The following SYNDIG1 variants were observed in gnomAD, a reference collection of about 807,000 sequenced individuals.
The protein encoded by SYNDIG1 is synapse differentiation-inducing gene protein 1.
SYNDIG1 carries 9 observed loss-of-function variants against 19.4 expected under a neutral mutation model. That is an observed-to-expected ratio of 0.46 (90% CI 0.28 to 0.81). The LOEUF (loss-of-function observed/expected upper bound fraction) is 0.81. Among genes scored for constraint, SYNDIG1 ranks in the 30% least tolerant of loss-of-function variants. SYNDIG1 has a pLI of 0.12. For missense variants in SYNDIG1, 311 were observed against 343.3 expected, an observed-to-expected ratio of 0.91 and a Z score of 0.74; for synonymous variants, 141 against 145.9, an observed-to-expected ratio of 0.97 and a Z score of 0.24.
chr20:24,524,950 T>TTTA (rs945659097), intron 1 of SYNDIG1, among the ~76,000 whole-genome samples: 1 of 152,156 alleles, frequency 6.6e-6, no homozygotes, highest in Non-Finnish European at 1.5e-5. Context: ...ATTATTTGCC[T>TTTA]TTATTATTAT....
At chr20:24,542,293 T>C (rs1300128363) in intron 1 of SYNDIG1, among the ~76,000 whole-genome samples, 2 of 152,210 alleles carry the variant, frequency 1.3e-5, no homozygotes, top group African/African-American at 2.4e-5. Context: ...CAGGCCAAAA[T>C]GTGCACTGTA....
intron 1 of SYNDIG1, among the ~76,000 whole-genome samples, chr20:24,476,803 C>G (rs562102206): frequency 1.3e-5 from 2 of 152,246 alleles, no homozygotes; most frequent in East Asian, 3.9e-4. Context: ...TGGTAAGGAC[C>G]CTGCAGCCTG....
At chr20:24,530,733 A>G (rs1210857706) in intron 1 of SYNDIG1, among the ~76,000 whole-genome samples, 1 of 152,128 alleles carries the variant, frequency 6.6e-6, no homozygotes, top group Non-Finnish European at 1.5e-5. Flanking sequence ...TACCTGTCAA[A>G]CATGCCAAAC....
intron 3 of SYNDIG1, among the ~76,000 whole-genome samples, chr20:24,593,241 T>G (rs985820883): frequency 1.8e-4 from 27 of 152,338 alleles, no homozygotes; most frequent in African/African-American, 6.5e-4. Flanking sequence ...TTCCTTTTCT[T>G]TGTGTTCATG....
chr20:24,475,144 C>G (rs542060146), intron 1 of SYNDIG1, among the ~76,000 whole-genome samples: 1 of 152,310 alleles, frequency 6.6e-6, no homozygotes, highest in Non-Finnish European at 1.5e-5. Flanking sequence ...GTTGGTGGTA[C>G]AGACCCTCAG....
At chr20:24,500,534 T>TTTCTTTCTTTC (rs1397348832) in intron 1 of SYNDIG1, among the ~76,000 whole-genome samples, 2,397 of 142,426 alleles carry the variant, frequency 0.017, 102 homozygotes, top group African/African-American at 0.058. Flanking sequence ...TTCTTTCTTC[T>TTTCTTTCTTTC]TTCTTTCTTT....
chr20:24,509,409 A>T (rs952074820), intron 1 of SYNDIG1, among the ~76,000 whole-genome samples: 1 of 152,182 alleles, frequency 6.6e-6, no homozygotes, highest in Non-Finnish European at 1.5e-5. Flanking sequence ...TCCTAACAAT[A>T]CAAGGAGTTT....
intron 1 of SYNDIG1, among the ~76,000 whole-genome samples, chr20:24,489,548 C>T (rs1010666183): frequency 2.6e-5 from 4 of 152,082 alleles, no homozygotes; most frequent in Non-Finnish European, 5.9e-5. Context: ...CACACACATG[C>T]TCACAGGGAC....
In SYNDIG1 at chr20:24,664,587, C is replaced by G. The variant is rs567600203; in HGVS notation, c.619-759C>G. On this transcript the variant is annotated intron_variant, in intron 3 of 3. Transcript: ENST00000376862. Reference sequence around the variant, plus strand: ...CCCTCCATGGTGGCCTCCAAAACCTCCATGTTTCCATCTCCTCGTGACCCC... The same window carrying G: ...CCCTCCATGGTGGCCTCCAAAACCTGCATGTTTCCATCTCCTCGTGACCCC... Among the ~76,000 whole-genome samples the G allele has an allele frequency of 3.9e-5, 6 of 152,292 alleles. No individual in the cohort carries two copies. In the South Asian group the frequency reaches 1.2e-3, roughly 32 times the overall value.
At chr20:24,508,748 T>C (rs1277049935) in intron 1 of SYNDIG1, among the ~76,000 whole-genome samples, 4 of 152,120 alleles carry the variant, frequency 2.6e-5, no homozygotes, top group East Asian at 3.9e-4. Flanking sequence ...GCAATAAATA[T>C]AGTTCTTCAG....
chr20:24,646,760 T>C (rs982074505), intron 3 of SYNDIG1, among the ~76,000 whole-genome samples: 4 of 152,106 alleles, frequency 2.6e-5, no homozygotes, highest in Admixed American at 2.0e-4. Context: ...TAGCTGGGAC[T>C]ACAGGTGTGC....
chr20:24,492,087 G>A lies in SYNDIG1; in HGVS notation c.-79+22334G>A, dbSNP rs555603742. 1.4e-4 allele frequency among the ~76,000 whole-genome samples: 21 copies of A among 152,306 alleles called. No individual in the cohort carries two copies. The South Asian group carries it at 3.7e-3, about 27-fold the overall frequency. ...TGACCCAGGCAAGAGGCCCCCGGCC[G>A]GCTCCGTGTGAACAGATCCTCCCAT... is the stretch of plus-strand genomic sequence containing the variant. On this transcript the variant is annotated intron_variant, in intron 1 of 3. Coordinates refer to ENST00000376862, the MANE Select transcript of SYNDIG1 (RefSeq NM_024893.3).
At chr20:24,662,508 G>A (rs73347242) in intron 3 of SYNDIG1, among the ~76,000 whole-genome samples, 1,866 of 152,264 alleles carry the variant, frequency 0.012, 58 homozygotes, top group African/African-American at 0.043. Flanking sequence ...TGCCGATGGA[G>A]CCCAGCTGCT....
At chr20:24,583,652 C>T (rs1346161347) in intron 2 of SYNDIG1, among the ~76,000 whole-genome samples, 2 of 152,200 alleles carry the variant, frequency 1.3e-5, no homozygotes, top group African/African-American at 4.8e-5. Context: ...GCACAAACAC[C>T]AAGGCAGGGC....
In SYNDIG1 at chr20:24,643,336, G is replaced by A. The variant is rs149828449; in HGVS notation, c.619-22010G>A. ...AAGTAACTTTATCAGCTAGAGTGCC[G>A]TGTTCATGAGAAGTAACTTTATCAG... On this transcript the variant is annotated intron_variant, in intron 3 of 3. Coordinates refer to ENST00000376862, the MANE Select transcript of SYNDIG1 (RefSeq NM_024893.3). 6.1e-4 allele frequency among the ~76,000 whole-genome samples: 92 copies of A among 151,826 alleles called. 1 individual carries two copies. In the East Asian group the frequency reaches 0.017, roughly 28 times the overall value.
chr20:24,618,755 T>C (rs2058989568), intron 3 of SYNDIG1, among the ~76,000 whole-genome samples: 1 of 152,214 alleles, frequency 6.6e-6, no homozygotes, highest in African/African-American at 2.4e-5. Flanking sequence ...TTTCTTCTTT[T>C]GGATGAGTCT....
intron 3 of SYNDIG1, among the ~76,000 whole-genome samples, chr20:24,604,750 T>C (rs1356259697): frequency 6.6e-6 from 1 of 152,200 alleles, no homozygotes; most frequent in Non-Finnish European, 1.5e-5. Flanking sequence ...TCCTTTACTT[T>C]TTTAATAAAC....
rs138012322 is a variant in SYNDIG1, at chr20:24,509,650, A to G, written c.-78-33370A>G. Among the ~76,000 whole-genome samples the G allele has an allele frequency of 2.4e-3, 372 of 152,298 alleles. 2 individuals carry two copies. Among genetic ancestry groups the G allele is most frequent in the African/African-American group, 6.1e-3 (253 of 41,562 alleles). ...GAATATGCTTTAGTAGCCTTAATGA[A>G]TGGCTGTTAGTGGTTCATTCAGTTT... On this transcript the variant is annotated intron_variant, in intron 1 of 3. Coordinates refer to ENST00000376862, the MANE Select transcript of SYNDIG1 (RefSeq NM_024893.3).
At chr20:24,497,499 C>T (rs1444207934) in intron 1 of SYNDIG1, among the ~76,000 whole-genome samples, 1 of 152,182 alleles carries the variant, frequency 6.6e-6, no homozygotes, top group Non-Finnish European at 1.5e-5. Flanking sequence ...CTGTGCCTGG[C>T]CTCGGTTTCT....
Sources: gnomAD v4.1 joint callset for allele counts (sites outside exome capture counted in the v4.1 genomes callset) on GRCh38, gnomAD v4.1.1 for gene constraint, MANE v1.5 for transcripts, NCBI Gene and HGNC (gene_info 2026-07-23, HGNC 2026-07-21) for gene names.